The following STAU2 variants were observed in gnomAD, a reference collection of about 807,000 sequenced individuals.
STAU2 encodes staufen double-stranded RNA binding protein 2, also known as double-stranded RNA-binding protein Staufen homolog 2.
STAU2 carries 20 observed loss-of-function variants against 65.9 expected under a neutral mutation model. That is an observed-to-expected ratio of 0.30 (90% CI 0.21 to 0.44). STAU2 has a LOEUF of 0.44. Ranked by LOEUF, STAU2 falls within the 20% of genes least tolerant of loss-of-function variation. STAU2 has a pLI of 1.00. For missense variants in STAU2, 558 were observed against 683.9 expected (o/e 0.82, Z 2.05); for synonymous variants, 232 against 233.9 (o/e 0.99, Z 0.07).
chr8:73,639,597 T>C (rs1322496968), intron 6 of STAU2, among the ~76,000 whole-genome samples: 1 of 152,156 alleles, frequency 6.6e-6, no homozygotes, highest in South Asian at 2.1e-4. Flanking sequence ...AATAAACTTC[T>C]GTATTACAAC....
At chr8:73,677,838 T>C (rs1566772) in intron 5 of STAU2, among the ~76,000 whole-genome samples, 41,941 of 152,004 alleles carry the variant, frequency 0.28, 6,305 homozygotes, top group East Asian at 0.45. Context: ...CAGCTTACTA[T>C]AACACTCAAC....
Position 73,694,413 on chromosome 8 carries a change from C to G in STAU2, c.115-5600G>C, listed in dbSNP as rs570336752. Among the ~76,000 whole-genome samples, 8 of 152,226 alleles carry G rather than the reference C, an allele frequency of 5.3e-5. No homozygotes were observed. The South Asian group carries it at 1.7e-3, about 32-fold the overall frequency. Reference sequence around the variant, plus strand: ...TCTCAATTGTTCACAGGACATTTACCAAGACAGACCATATTCTGGGCCATA... The same window carrying G: ...TCTCAATTGTTCACAGGACATTTACGAAGACAGACCATATTCTGGGCCATA... On this transcript the variant is annotated intron_variant, in intron 4 of 14. Transcript: ENST00000524300.
intron 10 of STAU2, among the ~76,000 whole-genome samples, chr8:73,600,190 G>A (rs1811532755): frequency 6.6e-6 from 1 of 152,160 alleles, no homozygotes; most frequent in Admixed American, 6.5e-5. Flanking sequence ...TAAAAAAGGT[G>A]CTGTACTCTC....
At chr8:73,597,628 C>A (rs548200692) in intron 10 of STAU2, among the ~76,000 whole-genome samples, 3 of 131,196 alleles carry the variant, frequency 2.3e-5, no homozygotes, top group Non-Finnish European at 3.1e-5. Context: ...CGAGATCATG[C>A]TACTGCACTC....
chr8:73,582,685 G>T (rs1810075833), intron 12 of STAU2, 85 bp downstream of exon 12: 1 of 1,340,340 alleles, frequency 7.5e-7, no homozygotes, highest in Non-Finnish European at 1.1e-6. Context: ...CTCAGACCCA[G>T]ACAGACCCAA....
chr8:73,531,476 C>T (rs1019226960), intron 13 of STAU2, among the ~76,000 whole-genome samples: 9 of 151,994 alleles, frequency 5.9e-5, no homozygotes, highest in African/African-American at 2.2e-4. Context: ...CTTGAGGACC[C>T]AATTTCAAAT....
intron 9 of STAU2, among the ~76,000 whole-genome samples, chr8:73,613,403 G>A (rs1356787543): frequency 6.6e-6 from 1 of 152,174 alleles, no homozygotes; most frequent in African/African-American, 2.4e-5. Flanking sequence ...AACACGTTTT[G>A]TAAAATCTTA....
intron 13 of STAU2, among the ~76,000 whole-genome samples, chr8:73,448,814 T>G (rs1818623218): frequency 6.6e-6 from 1 of 152,238 alleles, no homozygotes; most frequent in Non-Finnish European, 1.5e-5. Flanking sequence ...CCCAGCCCTT[T>G]CGGGACGTCG....
At chr8:73,551,972 ATGAAT>A (rs764069256) in intron 13 of STAU2, 35 bp downstream of exon 13, 1 of 1,520,870 alleles carries the variant, frequency 6.6e-7, no homozygotes, top group South Asian at 1.4e-5. Flanking sequence ...TCTGAGGCTA[ATGAAT>A]TGTTTTGTTT....
intron 5 of STAU2, among the ~76,000 whole-genome samples, chr8:73,687,673 G>A (rs1819026991): frequency 6.6e-6 from 1 of 151,126 alleles, no homozygotes; most frequent in Non-Finnish European, 1.5e-5. Context: ...AAAGTGCTAG[G>A]ATTACAGGTG....
intron 3 of STAU2, among the ~76,000 whole-genome samples, chr8:73,717,612 CTATT>C (rs200880250): frequency 0.013 from 1,911 of 147,740 alleles, 37 homozygotes; most frequent in African/African-American, 0.045. Context: ...TTCCACTGAT[CTATT>C]TGTCTTTTGT....
chr8:73,606,341 G>A (rs1812034994), intron 9 of STAU2, among the ~76,000 whole-genome samples: 1 of 151,820 alleles, frequency 6.6e-6, no homozygotes, highest in South Asian at 2.1e-4. Context: ...ATGTAATAAA[G>A]CACCTGTATC....
At chr8:73,479,411 A>G (rs1429135627) in intron 13 of STAU2, among the ~76,000 whole-genome samples, 1 of 151,142 alleles carries the variant, frequency 6.6e-6, no homozygotes, top group Non-Finnish European at 1.5e-5. Context: ...ACGGCATGAG[A>G]CTGGGATTCC....
intron 13 of STAU2, among the ~76,000 whole-genome samples, chr8:73,456,492 A>G (rs908397958): frequency 6.6e-6 from 1 of 152,134 alleles, no homozygotes; most frequent in African/African-American, 2.4e-5. Flanking sequence ...GATGTAAAGA[A>G]ATTGGAAATG....
At chr8:73,430,955 G>A (rs1268145502) in intron 13 of STAU2, among the ~76,000 whole-genome samples, 1 of 152,204 alleles carries the variant, frequency 6.6e-6, no homozygotes, top group African/African-American at 2.4e-5. Flanking sequence ...TACTGAGTGG[G>A]TAAATTGATA....
At chr8:73,596,078 C>T (rs1216910836) in intron 10 of STAU2, among the ~76,000 whole-genome samples, 1 of 151,440 alleles carries the variant, frequency 6.6e-6, no homozygotes. Context: ...CGCCACTGCA[C>T]TCCAGCCTGG....
Position 73,627,755 on chromosome 8 carries a change from T to TA in STAU2, c.411-10305dup, listed in dbSNP as rs10540688. Among the ~76,000 whole-genome samples, 620 of 143,994 alleles carry TA rather than the reference T, an allele frequency of 4.3e-3. 1 individual carries two copies. The highest frequency in any genetic ancestry group is 0.011 in the South Asian group (51 of 4,488). The allele number at this position is 143,994 out of a possible 152,430, so 94.5% of individuals were successfully genotyped here. On this transcript the variant is annotated intron_variant, in intron 6 of 14. Transcript: ENST00000524300. Reference sequence around the variant, plus strand: ...CTAGTAAATACTCATTAAACCTTGTTAAAAAAAAAAAAAAAACACTGACAG... The same window carrying TA: ...CTAGTAAATACTCATTAAACCTTGTTAAAAAAAAAAAAAAAAACACTGACAG...
chr8:73,577,781 C>T (rs1163661834), intron 12 of STAU2, among the ~76,000 whole-genome samples: 3 of 152,096 alleles, frequency 2.0e-5, no homozygotes. Flanking sequence ...TCAGAAATTT[C>T]ATAACATTTA....
chr8:73,433,353 C>T (rs1817443051), intron 13 of STAU2, among the ~76,000 whole-genome samples: 1 of 151,358 alleles, frequency 6.6e-6, no homozygotes, highest in African/African-American at 2.4e-5. Context: ...TACAGGCACC[C>T]GCCACGACAC....
Sources: allele counts gnomAD v4.1 joint callset (sites outside exome capture counted in the v4.1 genomes callset), GRCh38; gene constraint gnomAD v4.1.1; transcripts MANE v1.5; gene names NCBI Gene and HGNC (gene_info 2026-07-23, HGNC 2026-07-21).